Variants in AIPL1 observed in about 807,000 individuals in gnomAD.
AIPL1 encodes the protein aryl-hydrocarbon-interacting protein-like 1.
A neutral mutation model predicts 32.9 loss-of-function variants in AIPL1; 23 were observed. That is an observed-to-expected ratio of 0.70 (90% CI 0.50 to 0.99). The LOEUF (loss-of-function observed/expected upper bound fraction) is 0.99, where lower values mean the gene tolerates loss of function less well. Ranked by LOEUF, AIPL1 falls within the 50% of genes least tolerant of loss-of-function variation. The probability of loss-of-function intolerance (pLI) is 0.00; values close to 1 mark genes in which losing one functional copy is unlikely to be tolerated. For missense variants in AIPL1, 485 were observed against 506.0 expected (o/e 0.96, Z 0.40); for synonymous variants, 210 against 209.4 (o/e 1.00, Z -0.02).
Position 6,425,828 on chromosome 17 carries a change from T to C in AIPL1, c.787A>G (p.Ile263Val). The change falls in exon 6 of 6, where the codon ATC (isoleucine) becomes GTC (valine). Residue 263 changes from isoleucine (I) to valine (V), a missense_variant and splice_region_variant. By Grantham distance (29) the Ile-to-Val change is conservative. Coordinates refer to ENST00000381129, the MANE Select transcript of AIPL1 (RefSeq NM_014336.5). ...GCACGCACGTAGTAGGCCTTCACGA[T>C]GCCTGTGGGGAGCAGGGAGCATCCA... is the stretch of plus-strand genomic sequence containing the variant. ...TSDILRHHPG[I>V]VKAYYVRARA... The C allele has an allele frequency of 6.2e-7, 1 of 1,603,346 alleles. No homozygotes were observed. The highest frequency in any genetic ancestry group is 8.5e-7 in the Non-Finnish European group (1 of 1,179,550).
At chr17:6,431,392 G>T (rs576161686) in intron 2 of AIPL1, among the ~76,000 whole-genome samples, 5 of 151,906 alleles carry the variant, frequency 3.3e-5, no homozygotes, top group African/African-American at 1.2e-4. Flanking sequence ...GGAGGCAGAG[G>T]TTCCGGTGAG....
chr17:6,428,420 G>T lies in AIPL1; in HGVS notation c.363C>A (p.Cys121Ter). 6.2e-7 allele frequency: 1 copy of T among 1,613,542 alleles called. No homozygotes were observed. Among genetic ancestry groups the T allele is most frequent in the East Asian group, 2.2e-5 (1 of 44,876 alleles). ...KDPTEWHVHT[C>*]GLANMFAYHT... Reference sequence around the variant, plus strand: ...GGTAGGCGAACATGTTGGCCAGCCCGCACGTGTGCACGTGCCACTCTGTGG... The same window carrying T: ...GGTAGGCGAACATGTTGGCCAGCCCTCACGTGTGCACGTGCCACTCTGTGG... Residue 121 changes from cysteine to a stop codon, truncating the protein, a stop_gained, in exon 3 of 6, where the codon TGC becomes TGA. Coordinates refer to ENST00000381129, the MANE Select transcript of AIPL1 (RefSeq NM_014336.5). LOFTEE classifies it high-confidence loss of function.
At chr17:6,426,813 C>G in intron 4 of AIPL1, 57 bp from the exon 5 acceptor site, 1 of 1,612,380 alleles carries the variant, frequency 6.2e-7, no homozygotes, top group Non-Finnish European at 8.5e-7. Flanking sequence ...CCCGCCCCAC[C>G]CTGGCCGGCA....
In AIPL1 at chr17:6,429,165, C is replaced by T. The variant is rs147329594; in HGVS notation, c.277-659G>A. Reference sequence around the variant, plus strand: ...GCCAGCATGGGAGCTGAGTTTGCCACCCTTGGGATGAAGGAGGGCTGGGAA... The same window carrying T: ...GCCAGCATGGGAGCTGAGTTTGCCATCCTTGGGATGAAGGAGGGCTGGGAA... On this transcript the variant is annotated intron_variant, in intron 2 of 5. Transcript: ENST00000381129. 4.8e-3 allele frequency among the ~76,000 whole-genome samples: 732 copies of T among 152,304 alleles called. 6 individuals are homozygous for T. The highest frequency in any genetic ancestry group is 0.017 in the African/African-American group (687 of 41,566).
chr17:6,427,221 A>C (rs1424063558), intron 3 of AIPL1, among the ~76,000 whole-genome samples, 164 bp from the exon 4 acceptor site: 1 of 152,152 alleles, frequency 6.6e-6, no homozygotes, highest in Non-Finnish European at 1.5e-5. Context: ...ACCCTGCCCT[A>C]AATCAATGTC....
chr17:6,434,683 C>T (rs1024398330), intron 1 of AIPL1, among the ~76,000 whole-genome samples: 61 of 152,280 alleles, frequency 4.0e-4, no homozygotes, highest in African/African-American at 1.4e-3. Flanking sequence ...TAGCCACAGA[C>T]GCACCCTTCA....
Position 6,433,927 on chromosome 17 carries a change from C to T in AIPL1, c.268G>A (p.Asp90Asn), listed in dbSNP as rs12449580. The change falls in exon 2 of 6, where the codon GAC becomes AAC. Residue 90 changes from aspartate (D) to asparagine (N), a missense_variant. Transcript: ENST00000381129. ...RVHEVAEFWCDTIHTGVYPIL... is the reference protein window; with the variant it reads ...RVHEVAEFWCNTIHTGVYPIL... ...GCGCAGGGCCTACTTACGATGGTGT[C>T]GCACCAGAACTCGGCCACCTCGTGC... The T allele has an allele frequency of 4.8e-5, 77 of 1,603,662 alleles. No individual in the cohort carries two copies. The highest frequency in any genetic ancestry group is 1.7e-4 in the Middle Eastern group (1 of 5,946).
chr17:6,427,666 A>G (rs921823848), intron 3 of AIPL1, among the ~76,000 whole-genome samples: 1 of 152,178 alleles, frequency 6.6e-6, no homozygotes, highest in African/African-American at 2.4e-5. Context: ...CTCTCCCGCC[A>G]CTAGAGAACC....
At chr17:6,429,307 G>C (rs1475013718) in intron 2 of AIPL1, among the ~76,000 whole-genome samples, 1 of 152,164 alleles carries the variant, frequency 6.6e-6, no homozygotes, top group Non-Finnish European at 1.5e-5. Context: ...CCCAGCACTG[G>C]CCCCACATGC....
rs913118767 is a variant in AIPL1, at chr17:6,428,247, G to A, written c.465+71C>T. The A allele has an allele frequency of 5.2e-6, 8 of 1,550,416 alleles. No individual in the cohort carries two copies. The African/African-American group carries it at 9.5e-5, about 18-fold the overall frequency. On this transcript the variant is annotated intron_variant, in intron 3 of 5. Coordinates refer to ENST00000381129, the MANE Select transcript of AIPL1 (RefSeq NM_014336.5). The stretch of plus-strand genomic sequence containing the variant: ...ACTGTCCAGTGGCCAGTGGGGTGGG[G>A]GTGCCCATGATGCCCGCTGTCCCTC...
At chr17:6,434,717 T>G (rs980004530) in intron 1 of AIPL1, among the ~76,000 whole-genome samples, 1 of 152,122 alleles carries the variant, frequency 6.6e-6, no homozygotes, top group Non-Finnish European at 1.5e-5. Context: ...TAACAGACAT[T>G]TGGGGACAAA....
chr17:6,428,030 G>A (rs1912166113), intron 3 of AIPL1, among the ~76,000 whole-genome samples: 1 of 152,136 alleles, frequency 6.6e-6, no homozygotes, highest in African/African-American at 2.4e-5. Flanking sequence ...ATGTTGGCCA[G>A]GCTGGTCTCG....
chr17:6,432,048 A>G (rs189460217), intron 2 of AIPL1, among the ~76,000 whole-genome samples: 1 of 152,304 alleles, frequency 6.6e-6, no homozygotes, highest in Admixed American at 6.5e-5. Context: ...TACAGGATAA[A>G]TGACCCAGTT....
In AIPL1 at chr17:6,433,903, C is replaced by T. The variant is rs1165122917; in HGVS notation, c.276+16G>A. ...AAAGACTAGTCCCAGGAGACAGGCG[C>T]GCAGGGCCTACTTACGATGGTGTCG... On this transcript the variant is annotated intron_variant, in intron 2 of 5. Coordinates refer to ENST00000381129, the MANE Select transcript of AIPL1 (RefSeq NM_014336.5). The T allele has an allele frequency of 8.7e-6, 14 of 1,612,282 alleles. No individual in the cohort carries two copies. Among genetic ancestry groups the T allele is most frequent in the Middle Eastern group, 1.8e-4 (1 of 5,626 alleles).
chr17:6,432,664 C>T (rs1433102209), intron 2 of AIPL1, among the ~76,000 whole-genome samples: 1 of 150,490 alleles, frequency 6.6e-6, no homozygotes, highest in African/African-American at 2.5e-5. Context: ...TGGAGTCTCA[C>T]TCTGTCGCCA....
rs542738341 is a variant in AIPL1, at chr17:6,432,905, C to T, written c.276+1014G>A. Among the ~76,000 whole-genome samples, 13 of 152,162 alleles carry T rather than the reference C, an allele frequency of 8.5e-5. No individual in the cohort carries two copies. The South Asian group carries it at 2.7e-3, about 32-fold the overall frequency. ...CAGTCTCCCAAAGTGCTGGGATATC[C>T]TCATATTTTAGAGATACAAATTTTA... On this transcript the variant is annotated intron_variant, in intron 2 of 5. Transcript: ENST00000381129.
chr17:6,425,603 G>T lies in AIPL1; in HGVS notation c.1012C>A (p.Pro338Thr), dbSNP rs551344159. The T allele has an allele frequency of 4.3e-6, 7 of 1,613,316 alleles. No homozygotes were observed. In the South Asian group the frequency reaches 7.7e-5, roughly 18 times the overall value. The change falls in exon 6 of 6, where the codon CCA becomes ACA. Residue 338 changes from proline (P) to threonine (T), a missense_variant. Pro to Thr is a conservative substitution (Grantham distance 38, BLOSUM62 -1). Transcript: ENST00000381129. ...GACTGTGCGGGTGGCTCTGTGGGTG[G>T]CTCTGCGGGAGGCTGCGTGGCACCC... ...SQGATQPPAE[P>T]PTEPPAQSST...
intron 2 of AIPL1, among the ~76,000 whole-genome samples, chr17:6,432,775 C>T (rs1220345250): frequency 6.6e-6 from 1 of 152,078 alleles, no homozygotes; most frequent in African/African-American, 2.4e-5. Context: ...GGATTACAGG[C>T]ATGTGCCACC....
rs1278571944 is a variant in AIPL1 at position 6,425,928 on chromosome 17, C to G, written c.785-98G>C. ...TCACCAGCCTCCAAGACCCTCAGCC[C>G]CGCCATGATCCTTAACCTCTCTGTA... On this transcript the variant is annotated intron_variant, in intron 5 of 5. Transcript: ENST00000381129. 3 of 1,462,278 alleles carry G rather than the reference C, an allele frequency of 2.1e-6. No homozygotes were observed. The East Asian group carries it at 7.4e-5, about 36-fold the overall frequency. 90.6% of individuals were successfully genotyped at this position (1,462,278 alleles called of 1,614,324 possible). A position where few individuals can be genotyped will look rare whatever the true frequency, so the allele number is the denominator to read the frequency against.
Sources: allele counts gnomAD v4.1 joint callset (sites outside exome capture counted in the v4.1 genomes callset), GRCh38; gene constraint gnomAD v4.1.1; transcripts MANE v1.5; gene names NCBI Gene and HGNC (gene_info 2026-07-23, HGNC 2026-07-21).